ARHGEF38: variants seen among roughly 807,000 people sequenced by gnomAD.
ARHGEF38 encodes Rho guanine nucleotide exchange factor 38, also known as Rho guanine nucleotide exchange factor (GEF) 38.
In ARHGEF38, 79 loss-of-function variants were observed where a neutral mutation model predicts 79.9. The observed-to-expected ratio is 0.99, with a 90% CI of 0.82 to 1.19. The LOEUF (loss-of-function observed/expected upper bound fraction) is 1.19. ARHGEF38 is among the 50% of genes most tolerant of loss of function. ARHGEF38 has a pLI of 0.00. For synonymous variants in ARHGEF38, 366 were observed against 328.3 expected, an observed-to-expected ratio of 1.11 and a Z score of -1.24; for missense variants, 962 against 907.2, an observed-to-expected ratio of 1.06 and a Z score of -0.78.
chr4:105,661,359 A>G (rs1231794018), intron 10 of ARHGEF38, among the ~76,000 whole-genome samples: 1 of 151,976 alleles, frequency 6.6e-6, no homozygotes, highest in Non-Finnish European at 1.5e-5. Context: ...TTTCTGGATC[A>G]TATGTTAACT....
At chr4:105,644,041 A>T (rs928623751) in intron 5 of ARHGEF38, among the ~76,000 whole-genome samples, 1 of 150,778 alleles carries the variant, frequency 6.6e-6, no homozygotes, top group Admixed American at 6.6e-5. Flanking sequence ...TAACTTTTGT[A>T]TTTTTTTCTA....
In ARHGEF38 at chr4:105,680,042, TCA is replaced by T. The variant is rs1243006352; in HGVS notation, c.*2108_*2109del. ...CATGTCAGTTACATTCTTCTTCGTC[TCA>T]CAGAAAATAATAGCCCTCCCTTCAG... On this transcript the variant is annotated 3_prime_UTR_variant, in exon 14 of 14. Transcript: ENST00000420470. 53 of 868,918 alleles carry T rather than the reference TCA, an allele frequency of 6.1e-5. 2 individuals are homozygous for T. The highest frequency in any genetic ancestry group is 6.0e-4 in the South Asian group (46 of 76,450). 53.8% of individuals were successfully genotyped at this position (868,918 alleles called of 1,614,324 possible). A position where few individuals can be genotyped will look rare whatever the true frequency, so the allele number is the denominator to read the frequency against.
At chr4:105,627,812 G>A (rs923634068) in intron 3 of ARHGEF38, among the ~76,000 whole-genome samples, 1 of 152,026 alleles carries the variant, frequency 6.6e-6, no homozygotes, top group Non-Finnish European at 1.5e-5. Flanking sequence ...ATGTTACCGT[G>A]GAAACAGAAT....
chr4:105,601,391 C>T (rs1727815833), intron 2 of ARHGEF38, among the ~76,000 whole-genome samples: 1 of 152,090 alleles, frequency 6.6e-6, no homozygotes, highest in African/African-American at 2.4e-5. Flanking sequence ...AGACTGGATT[C>T]CTCAGAAGCA....
At chr4:105,567,733 TC>T (rs1000379528) in intron 1 of ARHGEF38, among the ~76,000 whole-genome samples, 2 of 152,182 alleles carry the variant, frequency 1.3e-5, no homozygotes, top group African/African-American at 4.8e-5. Context: ...CAACTCAATA[TC>T]CAATATGTAA....
chr4:105,682,334 A>C (rs1274798031), downstream of ARHGEF38: 2 of 160,296 alleles, frequency 1.2e-5, no homozygotes, highest in African/African-American at 4.8e-5. Context: ...AACACCCAGA[A>C]TACGGGGAGG....
intron 9 of ARHGEF38, among the ~76,000 whole-genome samples, chr4:105,656,724 G>T (rs929972590): frequency 5.3e-5 from 8 of 152,058 alleles, no homozygotes; most frequent in African/African-American, 1.9e-4. Flanking sequence ...TCATGGAGTG[G>T]CCTTTTGGTG....
intron 1 of ARHGEF38, among the ~76,000 whole-genome samples, chr4:105,558,332 A>G (rs1247372951): frequency 5.9e-5 from 9 of 152,190 alleles, no homozygotes; most frequent in Non-Finnish European, 1.3e-4. Flanking sequence ...GAATGGAGTA[A>G]AACAAATTGT....
chr4:105,637,382 A>C (rs1243631844), intron 5 of ARHGEF38, among the ~76,000 whole-genome samples: 1 of 152,110 alleles, frequency 6.6e-6, no homozygotes, highest in Non-Finnish European at 1.5e-5. Flanking sequence ...CAGACAGGCA[A>C]CCAGTTCTCT....
intron 3 of ARHGEF38, among the ~76,000 whole-genome samples, chr4:105,625,924 T>A (rs566998259): frequency 1.1e-4 from 17 of 152,292 alleles, no homozygotes; most frequent in African/African-American, 3.8e-4. Flanking sequence ...TTCTCAGGCT[T>A]CTCTGCAGTC....
intron 10 of ARHGEF38, among the ~76,000 whole-genome samples, chr4:105,664,130 T>C (rs528465156): frequency 6.6e-6 from 1 of 152,358 alleles, no homozygotes; most frequent in South Asian, 2.1e-4. Flanking sequence ...TTCAAGATCC[T>C]GCTCTCAATT....
In ARHGEF38 at chr4:105,664,446, C is replaced by T. The variant is rs145917848; in HGVS notation, c.1546-1731C>T. The stretch of plus-strand genomic sequence containing the variant: ...TTATTAATACACTTTAGGTATAATA[C>T]ATTCCACTACGAAAAATGAGGATTT... On this transcript the variant is annotated intron_variant, in intron 10 of 13. Transcript: ENST00000420470. Among the ~76,000 whole-genome samples the T allele has an allele frequency of 2.0e-4, 30 of 152,292 alleles. No individual in the cohort carries two copies. The East Asian group carries it at 5.6e-3, about 28-fold the overall frequency.
intron 1 of ARHGEF38, among the ~76,000 whole-genome samples, chr4:105,564,579 T>C (rs1458850481): frequency 2.6e-5 from 4 of 152,190 alleles, no homozygotes; most frequent in Non-Finnish European, 5.9e-5. Context: ...ATAATGTGAA[T>C]GTATTTAATG....
rs1319848331 is a variant in ARHGEF38 at position 105,582,162 on chromosome 4, C to T, written c.197-7086C>T. Among the ~76,000 whole-genome samples the T allele has an allele frequency of 1.3e-3, 5 of 3,974 alleles. 1 individual carries two copies. The highest frequency in any genetic ancestry group is 0.014 in the East Asian group (1 of 72). 2.6% of individuals were successfully genotyped at this position (3,974 alleles called of 152,430 possible). A position where few individuals can be genotyped will look rare whatever the true frequency, so the allele number is the denominator to read the frequency against. On this transcript the variant is annotated intron_variant, in intron 1 of 13. Coordinates refer to ENST00000420470, the MANE Select transcript of ARHGEF38 (RefSeq NM_001242729.2). Reference sequence around the variant, plus strand: ...CCTGGGCGACAGAGCTAGACTCCGTCTCAAAAAAAAAAAAAAAAATCTCGT... The same window carrying T: ...CCTGGGCGACAGAGCTAGACTCCGTTTCAAAAAAAAAAAAAAAAATCTCGT...
rs911650019 is a variant in ARHGEF38, at chr4:105,676,200, C to T, written c.2149-1552C>T. Among the ~76,000 whole-genome samples the T allele has an allele frequency of 5.3e-5, 8 of 152,314 alleles. 1 individual carries two copies. The highest frequency in any genetic ancestry group is 4.6e-4 in the Admixed American group (7 of 15,308). ...TCTTATTTCTCATAGTTTCCCTTAC[C>T]TATTGAATCTCAAGTTTGAGAGTTA... On this transcript the variant is annotated intron_variant, in intron 13 of 13. Coordinates refer to ENST00000420470, the MANE Select transcript of ARHGEF38 (RefSeq NM_001242729.2).
chr4:105,670,920 C>T (rs912857125), intron 13 of ARHGEF38, among the ~76,000 whole-genome samples: 6 of 152,110 alleles, frequency 3.9e-5, no homozygotes, highest in Non-Finnish European at 8.8e-5. Flanking sequence ...AGACTTTCTG[C>T]CTGGTGTTTG....
intron 3 of ARHGEF38, among the ~76,000 whole-genome samples, chr4:105,623,449 A>C (rs139591776): frequency 2.7e-4 from 41 of 152,300 alleles, no homozygotes; most frequent in East Asian, 1.5e-3. Context: ...ATGGAAAATC[A>C]TGGATTGGTC....
At chr4:105,656,755 G>A (rs2110559487) in intron 9 of ARHGEF38, among the ~76,000 whole-genome samples, 1 of 152,036 alleles carries the variant, frequency 6.6e-6, no homozygotes. Context: ...AGCATTTTTG[G>A]CCCACCAGGC....
chr4:105,620,683 A>G (rs1053556810), intron 3 of ARHGEF38, among the ~76,000 whole-genome samples: 2 of 152,180 alleles, frequency 1.3e-5, no homozygotes, highest in African/African-American at 4.8e-5. Context: ...TGGATCTAAT[A>G]TGGTGACATA....
Sources: gnomAD v4.1 joint callset for allele counts (sites outside exome capture counted in the v4.1 genomes callset) on GRCh38, gnomAD v4.1.1 for gene constraint, MANE v1.5 for transcripts, NCBI Gene and HGNC (gene_info 2026-07-23, HGNC 2026-07-21) for gene names.